ZNF492: variants seen among roughly 807,000 people sequenced by gnomAD.
The protein encoded by ZNF492 is zinc finger protein 115 (Y20).
Under a neutral mutation model 6.4 loss-of-function variants are expected in ZNF492, and 3 were observed. The observed-to-expected ratio is 0.47, with a 90% confidence interval of 0.21 to 1.22. ZNF492 has a LOEUF of 1.22. Among genes scored for constraint, ZNF492 ranks in the 50% most tolerant of loss-of-function variants. The pLI is 0.22. For missense variants in ZNF492, 356 were observed against 612.5 expected (o/e 0.58, Z 4.42); for synonymous variants, 112 against 205.3 (o/e 0.55, Z 3.89).
intron 1 of ZNF492, among the ~76,000 whole-genome samples, chr19:22,645,171 C>T (rs62118778): frequency 0.19 from 29,377 of 151,776 alleles, 3,699 homozygotes; most frequent in African/African-American, 0.37. Flanking sequence ...CCCAGCCTCC[C>T]GAGAACCTGG....
intron 2 of ZNF492, among the ~76,000 whole-genome samples, 192 bp downstream of exon 2, chr19:22,653,625 C>G (rs1318309478): frequency 5.3e-5 from 8 of 151,952 alleles, no homozygotes; most frequent in Non-Finnish European, 8.8e-5. Context: ...CTGAGCTGAT[C>G]TGTGTTCTTC....
At chr19:22,660,913 C>CTTT (rs765100457) in intron 3 of ZNF492, among the ~76,000 whole-genome samples, 2 of 132,270 alleles carry the variant, frequency 1.5e-5, no homozygotes, top group East Asian at 4.5e-4. Flanking sequence ...AACTTGATAG[C>CTTT]TTTTTTTTTT....
chr19:22,666,854 GTT>G lies in ZNF492; in HGVS notation c.*1591_*1592del. 6.6e-6 allele frequency: 1 copy of G among 152,286 alleles called. No individual in the cohort carries two copies. Among genetic ancestry groups the G allele is most frequent in the South Asian group, 2.1e-4 (1 of 4,826 alleles). The allele number at this position is 152,286 out of a possible 1,614,324, so 9.4% of individuals were successfully genotyped here. A position where few individuals can be genotyped will look rare whatever the true frequency, so the allele number is the denominator to read the frequency against. ...ATTTCTTAATTCAACATTTTTAACAGTTTAAATATTGTGCATTCAATCAAGTC... is the reference window on the plus strand; with the variant it reads ...ATTTCTTAATTCAACATTTTTAACAGTAAATATTGTGCATTCAATCAAGTC... On this transcript the variant is annotated 3_prime_UTR_variant, in exon 4 of 4. Coordinates refer to ENST00000456783, the MANE Select transcript of ZNF492 (RefSeq NM_020855.3).
chr19:22,634,365 G>T lies in ZNF492; in HGVS notation c.-203G>T. ...GCAGTCGGAGTATGGTCTAGTGTTC[G>T]CTGTTCTGCGTCCTCTGGTCCTAGA... is the stretch of plus-strand genomic sequence containing the variant. On this transcript the variant is annotated 5_prime_UTR_variant, in exon 1 of 4. Transcript: ENST00000456783. 7.8e-6 allele frequency: 9 copies of T among 1,159,012 alleles called. No individual in the cohort carries two copies. The highest frequency in any genetic ancestry group is 1.1e-5 in the Non-Finnish European group (9 of 796,764). The allele number at this position is 1,159,012 out of a possible 1,614,324, so 71.8% of individuals were successfully genotyped here. A position where few individuals can be genotyped will look rare whatever the true frequency, so the allele number is the denominator to read the frequency against.
chr19:22,655,082 C>T (rs1240459473), intron 3 of ZNF492, among the ~76,000 whole-genome samples: 3 of 151,394 alleles, frequency 2.0e-5, no homozygotes, highest in Non-Finnish European at 2.9e-5. Context: ...CACCTGAGGT[C>T]AGGAGTTTGA....
At chr19:22,645,238 G>A (rs1179928122) in intron 1 of ZNF492, among the ~76,000 whole-genome samples, 1 of 151,912 alleles carries the variant, frequency 6.6e-6, no homozygotes, top group Non-Finnish European at 1.5e-5. Context: ...GTAGAGATGG[G>A]GTTTCACCAT....
At chr19:22,663,205 T>C (rs1408467387) in intron 3 of ZNF492, among the ~76,000 whole-genome samples, 2 of 152,030 alleles carry the variant, frequency 1.3e-5, no homozygotes, top group Non-Finnish European at 2.9e-5. Flanking sequence ...CTTTCCCCAT[T>C]TCTTGTGTTT....
chr19:22,648,455 A>G lies in ZNF492; in HGVS notation c.-93-4852A>G, dbSNP rs145115544. Among the ~76,000 whole-genome samples, 384 of 152,318 alleles carry G rather than the reference A, an allele frequency of 2.5e-3. 3 individuals are homozygous for G. The highest frequency in any genetic ancestry group is 8.4e-3 in the African/African-American group (351 of 41,584). On this transcript the variant is annotated intron_variant, in intron 1 of 3. Transcript: ENST00000456783. ...GGGGTGGTGAGTTCTGTAGATGCCT[A>G]TTAGGTCCACTTGATCCAGAGCTGA...
rs73562519 is a variant in ZNF492, at chr19:22,641,777, C to T, written c.-94+7303C>T. On this transcript the variant is annotated intron_variant, in intron 1 of 3. Transcript: ENST00000456783. ...ACAACTTGATTTATTTATGTGCCCCCATCAATTTATTTACTTATTTATTTT... is the reference window on the plus strand; with the variant it reads ...ACAACTTGATTTATTTATGTGCCCCTATCAATTTATTTACTTATTTATTTT... 7.9e-3 allele frequency among the ~76,000 whole-genome samples: 1,202 copies of T among 152,168 alleles called. 14 individuals carry two copies. Among genetic ancestry groups the T allele is most frequent in the African/African-American group, 0.028 (1,147 of 41,532 alleles).
In ZNF492 at chr19:22,647,674, C is replaced by T. The variant is rs115486665; in HGVS notation, c.-93-5633C>T. ...GCTCTCATCTTAGCTATTTCTTGTC[C>T]TCTGCTAGCTTTTGGAATTGGATTT... On this transcript the variant is annotated intron_variant, in intron 1 of 3. Transcript: ENST00000456783. Among the ~76,000 whole-genome samples the T allele has an allele frequency of 3.4e-3, 507 of 150,174 alleles. 4 individuals carry two copies. Among genetic ancestry groups the T allele is most frequent in the African/African-American group, 0.012 (481 of 40,580 alleles).
At chr19:22,662,694 G>A (rs1312060757) in intron 3 of ZNF492, among the ~76,000 whole-genome samples, 1 of 151,446 alleles carries the variant, frequency 6.6e-6, no homozygotes, top group Non-Finnish European at 1.5e-5. Flanking sequence ...GTGATGATGA[G>A]CATTTTTCCA....
At chr19:22,662,244 C>G (rs371516776) in intron 3 of ZNF492, among the ~76,000 whole-genome samples, 79 of 152,214 alleles carry the variant, frequency 5.2e-4, no homozygotes, top group African/African-American at 1.9e-3. Context: ...TCATCCATGT[C>G]CCTGCAAAGG....
At chr19:22,658,086 T>C (rs372346658) in intron 3 of ZNF492, among the ~76,000 whole-genome samples, 14 of 151,792 alleles carry the variant, frequency 9.2e-5, no homozygotes, top group Non-Finnish European at 1.3e-4. Flanking sequence ...AACAATTGTA[T>C]AAACATATAA....
rs1486771237 is a variant in ZNF492, at chr19:22,634,356, C to T, written c.-212C>T. ...TCTCTCGCTGCAGTCGGAGTATGGT[C>T]TAGTGTTCGCTGTTCTGCGTCCTCT... On this transcript the variant is annotated 5_prime_UTR_variant, in exon 1 of 4. Transcript: ENST00000456783. 35 of 1,096,876 alleles carry T rather than the reference C, an allele frequency of 3.2e-5. No individual in the cohort carries two copies. The highest frequency in any genetic ancestry group is 4.4e-4 in the Middle Eastern group (2 of 4,596). The allele number at this position is 1,096,876 out of a possible 1,614,324, so 67.9% of individuals were successfully genotyped here. A position where few individuals can be genotyped will look rare whatever the true frequency, so the allele number is the denominator to read the frequency against.
intron 2 of ZNF492, among the ~76,000 whole-genome samples, 186 bp downstream of exon 2, chr19:22,653,619 G>C (rs1160592279): frequency 6.6e-6 from 1 of 151,888 alleles, no homozygotes; most frequent in Non-Finnish European, 1.5e-5. Context: ...ACACTCCTGA[G>C]CTGATCTGTG....
intron 3 of ZNF492, among the ~76,000 whole-genome samples, chr19:22,659,291 T>C (rs1254283022): frequency 6.7e-6 from 1 of 149,884 alleles, no homozygotes; most frequent in Non-Finnish European, 1.5e-5. Flanking sequence ...TTTCTTCTTT[T>C]TGTAATAAGA....
intron 1 of ZNF492, among the ~76,000 whole-genome samples, chr19:22,639,490 C>T (rs1971802392): frequency 2.6e-5 from 4 of 151,864 alleles, no homozygotes; most frequent in African/African-American, 4.8e-5. Context: ...GCGGGCAGAT[C>T]ATCTGAGGTC....
In ZNF492 at chr19:22,666,209, TGGA is replaced by T. The variant is rs1568359123; in HGVS notation, c.*946_*948del. On this transcript the variant is annotated 3_prime_UTR_variant, in exon 4 of 4. Transcript: ENST00000456783. ...TCTTCTTTTTTTTTTTTTTTTTAGA[TGGA>T]GTCTTGCTCTATCGCCCCCCCAGGC... The T allele has an allele frequency of 7.0e-6, 1 of 142,798 alleles. No homozygotes were observed. Among genetic ancestry groups the T allele is most frequent in the African/African-American group, 2.8e-5 (1 of 35,444 alleles). 8.8% of individuals were successfully genotyped at this position (142,798 alleles called of 1,614,324 possible).
chr19:22,640,323 G>A (rs1255548997), intron 1 of ZNF492, among the ~76,000 whole-genome samples: 2 of 151,956 alleles, frequency 1.3e-5, no homozygotes, highest in East Asian at 1.9e-4. Flanking sequence ...TACCACGCTC[G>A]GCTAATTTTT....
Sources: gnomAD v4.1 joint callset for allele counts (sites outside exome capture counted in the v4.1 genomes callset) on GRCh38, gnomAD v4.1.1 for gene constraint, MANE v1.5 for transcripts, NCBI Gene and HGNC (gene_info 2026-07-23, HGNC 2026-07-21) for gene names.